The following EFCAB11 variants were observed in gnomAD, a reference collection of about 807,000 sequenced individuals.
EFCAB11 encodes the protein EF-hand calcium binding domain 11, also known as EF-hand calcium-binding domain-containing protein 11.
A neutral mutation model predicts 23.0 loss-of-function variants in EFCAB11; 14 were observed. That is an observed-to-expected ratio of 0.61 (90% confidence interval 0.40 to 0.95). The LOEUF (loss-of-function observed/expected upper bound fraction) is 0.95, where lower values mean the gene tolerates loss of function less well. Among genes scored for constraint, EFCAB11 ranks in the 40% least tolerant of loss-of-function variants. EFCAB11 has a pLI of 0.00. For synonymous variants in EFCAB11, 65 were observed against 66.6 expected, an observed-to-expected ratio of 0.98 and a Z score of 0.11; for missense variants, 198 against 195.8, an observed-to-expected ratio of 1.01 and a Z score of -0.07.
chr14:89,821,799 A>C (rs1007124527), intron 5 of EFCAB11, among the ~76,000 whole-genome samples: 1 of 152,190 alleles, frequency 6.6e-6, no homozygotes, highest in Non-Finnish European at 1.5e-5. Context: ...TATGTGACAA[A>C]ACTATTTTCA....
At chr14:89,817,139 T>C (rs1297087347) in intron 5 of EFCAB11, among the ~76,000 whole-genome samples, 1 of 152,090 alleles carries the variant, frequency 6.6e-6, no homozygotes, top group Admixed American at 6.5e-5. Flanking sequence ...TTTTATTATG[T>C]AAAAATTCTG....
intron 5 of EFCAB11, among the ~76,000 whole-genome samples, chr14:89,902,387 T>G (rs1163654834): frequency 6.6e-6 from 1 of 152,206 alleles, no homozygotes; most frequent in Non-Finnish European, 1.5e-5. Context: ...AGTTATTATC[T>G]GTCTTCTCCC....
chr14:89,807,492 G>A (rs1248847905), intron 5 of EFCAB11, among the ~76,000 whole-genome samples: 1 of 152,096 alleles, frequency 6.6e-6, no homozygotes, highest in Non-Finnish European at 1.5e-5. Context: ...TTGGAGAGAT[G>A]GACTAAAAGA....
At chr14:89,929,042 T>TATAC (rs1890295983) in intron 5 of EFCAB11, among the ~76,000 whole-genome samples, 2 of 142,564 alleles carry the variant, frequency 1.4e-5, no homozygotes, top group African/African-American at 2.7e-5. Flanking sequence ...TATATATATA[T>TATAC]ATACACACAC....
At chr14:89,886,586 T>C (rs1888792027) in intron 5 of EFCAB11, among the ~76,000 whole-genome samples, 2 of 150,394 alleles carry the variant, frequency 1.3e-5, no homozygotes, top group Non-Finnish European at 3.0e-5. Flanking sequence ...GATTTAAGTA[T>C]ATCTTAAAAA....
chr14:89,950,028 T>G, intron 3 of EFCAB11, 69 bp downstream of exon 3: 1 of 1,435,030 alleles, frequency 7.0e-7, no homozygotes, highest in Non-Finnish European at 9.5e-7. Context: ...GAGACTGATG[T>G]AGGGACACAG....
intron 5 of EFCAB11, among the ~76,000 whole-genome samples, chr14:89,818,527 T>C (rs1327295724): frequency 6.6e-6 from 1 of 152,188 alleles, no homozygotes; most frequent in Non-Finnish European, 1.5e-5. Flanking sequence ...ATTAATCTTA[T>C]TTCTGAAAAT....
At chr14:89,923,032 C>T (rs549532903) in intron 5 of EFCAB11, among the ~76,000 whole-genome samples, 24 of 152,260 alleles carry the variant, frequency 1.6e-4, no homozygotes, top group African/African-American at 5.8e-4. Flanking sequence ...ACTAAATATT[C>T]CTTCCAATCT....
chr14:89,835,241 C>T (rs967799227), intron 5 of EFCAB11, among the ~76,000 whole-genome samples: 4 of 152,300 alleles, frequency 2.6e-5, no homozygotes, highest in Admixed American at 6.5e-5. Context: ...AGCATGTTTA[C>T]ACTGCTGATA....
At chr14:89,888,169 C>T (rs759757642) in intron 5 of EFCAB11, among the ~76,000 whole-genome samples, 4 of 152,190 alleles carry the variant, frequency 2.6e-5, no homozygotes, top group African/African-American at 9.7e-5. Flanking sequence ...AACCTAATCA[C>T]CAATGTGATG....
chr14:89,821,142 G>A (rs1477749744), intron 5 of EFCAB11, among the ~76,000 whole-genome samples: 1 of 152,110 alleles, frequency 6.6e-6, no homozygotes, highest in Non-Finnish European at 1.5e-5. Context: ...GATTACACCT[G>A]TGAACCACTG....
intron 5 of EFCAB11, among the ~76,000 whole-genome samples, chr14:89,874,128 C>T (rs1888362470): frequency 6.6e-6 from 1 of 152,232 alleles, no homozygotes; most frequent in Non-Finnish European, 1.5e-5. Flanking sequence ...TCCCAAACCT[C>T]AGTTCTTGAC....
rs375222715 is a variant in EFCAB11, at chr14:89,920,470, C to T, written c.410+11071G>A. On this transcript the variant is annotated intron_variant, in intron 5 of 5. Transcript: ENST00000316738. The stretch of plus-strand genomic sequence containing the variant: ...ATATGACAGTGATTAAGAGCATAAG[C>T]TGGAAAGGCAGCCTCCTTCGGTTTG... 1.3e-5 allele frequency among the ~76,000 whole-genome samples: 2 copies of T among 152,216 alleles called. 1 individual carries two copies. Among genetic ancestry groups the T allele is most frequent in the East Asian group, 3.9e-4 (2 of 5,192 alleles).
chr14:89,843,563 A>G (rs1416505724), intron 5 of EFCAB11, among the ~76,000 whole-genome samples: 1 of 152,240 alleles, frequency 6.6e-6, no homozygotes, highest in Non-Finnish European at 1.5e-5. Flanking sequence ...AGATGACTGT[A>G]GATACTCTTG....
intron 5 of EFCAB11, among the ~76,000 whole-genome samples, chr14:89,821,920 A>G (rs973660177): frequency 1.3e-5 from 2 of 152,240 alleles, no homozygotes; most frequent in Admixed American, 6.5e-5. Flanking sequence ...TTTACAAAAT[A>G]TCATTCAAAT....
intron 5 of EFCAB11, among the ~76,000 whole-genome samples, chr14:89,826,593 T>A (rs1886699161): frequency 6.6e-6 from 1 of 151,952 alleles, no homozygotes; most frequent in Non-Finnish European, 1.5e-5. Context: ...AAACTTCAGT[T>A]GAGAAAATAT....
At chr14:89,853,270 C>T (rs1212843512) in intron 5 of EFCAB11, among the ~76,000 whole-genome samples, 2 of 152,176 alleles carry the variant, frequency 1.3e-5, no homozygotes, top group African/African-American at 2.4e-5. Context: ...TTCACCACGT[C>T]GTGGGCATTC....
intron 3 of EFCAB11, among the ~76,000 whole-genome samples, chr14:89,947,095 G>A (rs1891012811): frequency 6.6e-6 from 1 of 152,102 alleles, no homozygotes; most frequent in Admixed American, 6.5e-5. Flanking sequence ...AGAAGAGAAG[G>A]GGATAGTGGT....
At chr14:89,894,029 G>C (rs1199489885) in intron 5 of EFCAB11, among the ~76,000 whole-genome samples, 1 of 151,878 alleles carries the variant, frequency 6.6e-6, no homozygotes, top group Non-Finnish European at 1.5e-5. Flanking sequence ...GCCCAGGCTG[G>C]AGTGCAGTGG....
Sources: gnomAD v4.1 joint callset for allele counts (sites outside exome capture counted in the v4.1 genomes callset) on GRCh38, gnomAD v4.1.1 for gene constraint, MANE v1.5 for transcripts, NCBI Gene and HGNC (gene_info 2026-07-23, HGNC 2026-07-21) for gene names.